Variants in IL36A observed in about 807,000 individuals in gnomAD.
IL36A encodes interleukin 36 alpha.
IL36A carries 13 observed loss-of-function variants against 12.7 expected under a neutral mutation model. The observed-to-expected ratio is 1.02, with a 90% CI of 0.67 to 1.63. IL36A has a LOEUF of 1.63. IL36A is among the 40% of genes most tolerant of loss of function. The probability of loss-of-function intolerance (pLI) is 0.00; values close to 1 mark genes in which losing one functional copy is unlikely to be tolerated. For synonymous variants in IL36A, 73 were observed against 71.9 expected (o/e 1.01, Z -0.08); for missense variants, 195 against 192.9 (o/e 1.01, Z -0.07).
In IL36A at chr2:113,005,696, G is replaced by T; in HGVS notation, c.-176G>T. 1 of 688,004 alleles carries T rather than the reference G, an allele frequency of 1.5e-6. No homozygotes were observed. Among genetic ancestry groups the T allele is most frequent in the Non-Finnish European group, 2.6e-6 (1 of 381,324 alleles). The allele number at this position is 688,004 out of a possible 1,614,324, so 42.6% of individuals were successfully genotyped here. A position where few individuals can be genotyped will look rare whatever the true frequency, so the allele number is the denominator to read the frequency against. ...AGACTGCATCCAACAAAGTAAGGGTGCTGGGTGAGTTCTGGGAGTATAGAT... is the reference window on the plus strand; with the variant it reads ...AGACTGCATCCAACAAAGTAAGGGTTCTGGGTGAGTTCTGGGAGTATAGAT... On this transcript the variant is annotated 5_prime_UTR_variant, in exon 1 of 4. Transcript: ENST00000259211.
At chr2:113,007,375 C>G (rs988383638) in intron 3 of IL36A, among the ~76,000 whole-genome samples, 1 of 152,152 alleles carries the variant, frequency 6.6e-6, no homozygotes, top group Non-Finnish European at 1.5e-5. Context: ...GACAGGGATG[C>G]TACTAAACAT....
chr2:113,008,498 C>T (rs943972694), downstream of IL36A: 2 of 212,812 alleles, frequency 9.4e-6, no homozygotes, highest in Non-Finnish European at 1.9e-5. Context: ...GTAGCTGGGA[C>T]TACAGGCGCC....
Position 113,007,928 on chromosome 2 carries a change from GTGGC to G in IL36A, c.363_366del (p.Ala122SerfsTer32). ...TGGCAGGAACTCCACCTTCGAGTCT[GTGGC>G]TTTCCCTGGCTGGTTCATCGCTGTC... is the stretch of plus-strand genomic sequence containing the variant. On this transcript the variant is annotated frameshift_variant, in exon 4 of 4. Coordinates refer to ENST00000259211, the MANE Select transcript of IL36A (RefSeq NM_014440.3). LOFTEE classifies it low-confidence loss of function (END_TRUNC). 1 of 1,614,196 alleles carries G rather than the reference GTGGC, an allele frequency of 6.2e-7. No individual in the cohort carries two copies. The highest frequency in any genetic ancestry group is 1.3e-5 in the African/African-American group (1 of 75,050).
In IL36A at chr2:113,005,960, G is replaced by T. The variant is rs1684607838; in HGVS notation, c.11-14G>T. 1 of 1,612,036 alleles carries T rather than the reference G, an allele frequency of 6.2e-7. No individual in the cohort carries two copies. On this transcript the variant is annotated splice_polypyrimidine_tract_variant and intron_variant, in intron 1 of 3. Coordinates refer to ENST00000259211, the MANE Select transcript of IL36A (RefSeq NM_014440.3). ...TCTCATTCTTACTAATTTACATTTT[G>T]ACTTTCTCAACAGCATTGAAAATTG... is the stretch of plus-strand genomic sequence containing the variant.
At chr2:113,009,195 C>T (rs984061047), downstream of IL36A, among the ~76,000 whole-genome samples, 2 of 151,850 alleles carry the variant, frequency 1.3e-5, no homozygotes, top group Admixed American at 1.3e-4. Flanking sequence ...GTATATGTGG[C>T]ACATTTTCTT....
rs1034024181 is a variant in IL36A, at chr2:113,005,796, C to T, written c.-76C>T. On this transcript the variant is annotated 5_prime_UTR_variant, in exon 1 of 4. Transcript: ENST00000259211. Reference sequence around the variant, plus strand: ...GGGTTAAACTGTGGCTTGGGACTGACTCAGGTCCTCTCTTGGGGTCGGTCT... The same window carrying T: ...GGGTTAAACTGTGGCTTGGGACTGATTCAGGTCCTCTCTTGGGGTCGGTCT... 20 of 1,541,986 alleles carry T rather than the reference C, an allele frequency of 1.3e-5. No homozygotes were observed. The highest frequency in any genetic ancestry group is 2.7e-5 in the African/African-American group (2 of 73,562).
downstream of IL36A, among the ~76,000 whole-genome samples, chr2:113,010,590 C>A (rs910899819): frequency 6.6e-6 from 1 of 152,124 alleles, no homozygotes; most frequent in Non-Finnish European, 1.5e-5. Context: ...TGGATGTTTT[C>A]TGGAAGAAGC....
In IL36A at chr2:113,006,207, C is replaced by T. The variant is rs1573354117; in HGVS notation, c.124+120C>T. ...GGCATATCTACAGAGAGGAGCATCT[C>T]ACAGACAATAATGAATAGAGGGTGA... On this transcript the variant is annotated intron_variant, in intron 2 of 3. Transcript: ENST00000259211. 3 of 713,678 alleles carry T rather than the reference C, an allele frequency of 4.2e-6. No individual in the cohort carries two copies. In the East Asian group the frequency reaches 8.0e-5, roughly 19 times the overall value. The allele number at this position is 713,678 out of a possible 1,614,324, so 44.2% of individuals were successfully genotyped here.
Position 113,005,556 on chromosome 2 carries a change from T to C in IL36A, c.-316T>C. 1 of 500,020 alleles carries C rather than the reference T, an allele frequency of 2.0e-6. No individual in the cohort carries two copies. Among genetic ancestry groups the C allele is most frequent in the Non-Finnish European group, 3.6e-6 (1 of 276,146 alleles). 31.0% of individuals were successfully genotyped at this position (500,020 alleles called of 1,614,324 possible). The stretch of plus-strand genomic sequence containing the variant: ...GTGTGGCCTATGCTGGAAAGTCTGG[T>C]GACCTCTGATTTTTTTTGCTTCCAG... On this transcript the variant is annotated 5_prime_UTR_variant, in exon 1 of 4. Transcript: ENST00000259211.
rs536183302 is a variant in IL36A at position 113,005,749 on chromosome 2, C to T, written c.-123C>T. 123 of 1,071,474 alleles carry T rather than the reference C, an allele frequency of 1.1e-4. 1 individual carries two copies. Among genetic ancestry groups the T allele is most frequent in the South Asian group, 3.3e-4 (26 of 79,032 alleles). 66.4% of individuals were successfully genotyped at this position (1,071,474 alleles called of 1,614,324 possible). On this transcript the variant is annotated 5_prime_UTR_variant, in exon 1 of 4. Transcript: ENST00000259211. ...TGACTGGGGTCACTGCTGGGCTGGC[C>T]GCCAGTCTTTCATCTGACCCAGGGT...
chr2:113,007,748 T>A (rs1684651357), intron 3 of IL36A, 84 bp from the exon 4 acceptor site: 40 of 1,119,654 alleles, frequency 3.6e-5, no homozygotes, highest in Non-Finnish European at 4.8e-5. Flanking sequence ...AATGCTATCC[T>A]TGGACGTGGA....
rs1205403694 is a variant in IL36A, at chr2:113,005,984, T to G, written c.21T>G (p.Ile7Met). 1 of 1,613,598 alleles carries G rather than the reference T, an allele frequency of 6.2e-7. No individual in the cohort carries two copies. The highest frequency in any genetic ancestry group is 8.5e-7 in the Non-Finnish European group (1 of 1,179,494). Residue 7 changes from isoleucine to methionine, a missense_variant, in exon 2 of 4, where the codon ATT becomes ATG. Transcript: ENST00000259211. The part of the protein sequence containing the change: MEKALK[I>M]DTPQQGSIQD... ...TGACTTTCTCAACAGCATTGAAAAT[T>G]GACACACCTCAGCAGGGGAGCATTC... is the stretch of plus-strand genomic sequence containing the variant.
chr2:113,008,357 C>CT (rs780723737), downstream of IL36A, among the ~76,000 whole-genome samples: 4,421 of 123,364 alleles, frequency 0.036, 260 homozygotes, highest in African/African-American at 0.1. Context: ...GGTGGTGACT[C>CT]TTTTTTTTTT....
Position 113,005,613 on chromosome 2 carries a change from G to C in IL36A, c.-259G>C, listed in dbSNP as rs1429066106. ...GGCCTTGGCACTCTTTGTCATATTA[G>C]AGTTCCTGGGTCTAGGCCTGGGCAG... On this transcript the variant is annotated 5_prime_UTR_variant, in exon 1 of 4. Coordinates refer to ENST00000259211, the MANE Select transcript of IL36A (RefSeq NM_014440.3). 5 of 577,384 alleles carry C rather than the reference G, an allele frequency of 8.7e-6. No homozygotes were observed. Among genetic ancestry groups the C allele is most frequent in the African/African-American group, 5.6e-5 (3 of 53,412 alleles). The allele number at this position is 577,384 out of a possible 1,614,324, so 35.8% of individuals were successfully genotyped here.
chr2:113,006,460 G>A (rs1161942646), intron 2 of IL36A, 138 bp from the exon 3 acceptor site: 8 of 868,158 alleles, frequency 9.2e-6, no homozygotes, highest in South Asian at 8.1e-5. Flanking sequence ...TGGGTGTCCC[G>A]GTTAGGTGGT....
chr2:113,009,000 G>A (rs1354515651), downstream of IL36A, among the ~76,000 whole-genome samples: 29 of 124,720 alleles, frequency 2.3e-4, no homozygotes, highest in South Asian at 7.3e-3. Context: ...TCCCCGGTGT[G>A]TGATGTTCCC....
At chr2:113,009,325 A>G (rs577498154), downstream of IL36A, among the ~76,000 whole-genome samples, 1 of 152,042 alleles carries the variant, frequency 6.6e-6, no homozygotes, top group South Asian at 2.1e-4. Context: ...TACCCAAAAG[A>G]CTATAAATCA....
At chr2:113,008,289 A>G (rs1350136678), downstream of IL36A, among the ~76,000 whole-genome samples, 2 of 152,208 alleles carry the variant, frequency 1.3e-5, no homozygotes, top group Non-Finnish European at 2.9e-5. Context: ...CCATTACAAA[A>G]ATAATAAGGA....
chr2:113,006,472 G>A, intron 2 of IL36A, 126 bp from the exon 3 acceptor site: 1 of 956,958 alleles, frequency 1.0e-6, no homozygotes, highest in Admixed American at 2.1e-5. Flanking sequence ...TTAGGTGGTG[G>A]GTGGTGAGGT....
Sources: allele counts gnomAD v4.1 joint callset (sites outside exome capture counted in the v4.1 genomes callset), GRCh38; gene constraint gnomAD v4.1.1; transcripts MANE v1.5; gene names NCBI Gene and HGNC (gene_info 2026-07-23, HGNC 2026-07-21).